The following SAMSN1 variants were observed in gnomAD, a reference collection of about 807,000 sequenced individuals.
The protein encoded by SAMSN1 is SAM domain, SH3 domain and nuclear localization signals 1.
Under a neutral mutation model 42.0 loss-of-function variants are expected in SAMSN1, and 31 were observed. The observed-to-expected ratio is 0.74, with a 90% CI of 0.55 to 1.00. The LOEUF (loss-of-function observed/expected upper bound fraction) is 1.00. SAMSN1 is among the 50% of genes least tolerant of loss of function. The pLI is 0.00. For synonymous variants in SAMSN1, 178 were observed against 151.9 expected (o/e 1.17, Z -1.26); for missense variants, 464 against 439.4 (o/e 1.06, Z -0.50).
At chr21:14,543,077 G>T (rs558597961) in intron 1 of SAMSN1, among the ~76,000 whole-genome samples, 3 of 152,196 alleles carry the variant, frequency 2.0e-5, no homozygotes, top group African/African-American at 7.2e-5. Flanking sequence ...TTCTAATTTG[G>T]AATTTATCTG....
Position 14,516,908 on chromosome 21 carries a change from G to C in SAMSN1, c.263C>G (p.Ala88Gly), listed in dbSNP as rs200178567. Reference sequence around the variant, plus strand: ...AATATTTACCTTTTCCTCAGAAAGGGCTTTGATGTACTTTTTACCCACTTT... The same window carrying C: ...AATATTTACCTTTTCCTCAGAAAGGCCTTTGATGTACTTTTTACCCACTTT... ...KKKVGKKYIKALSEEKDEEDG... is the reference protein window; with the variant it reads ...KKKVGKKYIKGLSEEKDEEDG... The change falls in exon 3 of 8, where the codon GCC becomes GGC. Residue 88 changes from alanine (A) to glycine (G), a missense_variant. Ala to Gly is a moderately conservative substitution (Grantham distance 60). Transcript: ENST00000400566. The C allele has an allele frequency of 1.2e-6, 2 of 1,608,406 alleles. No individual in the cohort carries two copies. Among genetic ancestry groups the C allele is most frequent in the Non-Finnish European group, 1.7e-6 (2 of 1,178,088 alleles).
At chr21:14,505,067 C>T (rs115732375) in intron 5 of SAMSN1, among the ~76,000 whole-genome samples, 5,754 of 152,172 alleles carry the variant, frequency 0.038, 327 homozygotes, top group African/African-American at 0.12. Context: ...TTTGTCACTA[C>T]CAAGCCACTA....
At chr21:14,568,020 T>A (rs555511042) in intron 2 of SAMSN1, among the ~76,000 whole-genome samples, 118 of 152,312 alleles carry the variant, frequency 7.7e-4, no homozygotes, top group African/African-American at 2.8e-3. Context: ...TTGGTGAGCA[T>A]AAAATATCAC....
intron 6 of SAMSN1, among the ~76,000 whole-genome samples, chr21:14,600,704 G>C (rs1982405954): frequency 6.6e-6 from 1 of 152,160 alleles, no homozygotes; most frequent in Admixed American, 6.6e-5. Context: ...GGCATGTCTA[G>C]TGAGCTATTC....
intron 2 of SAMSN1, among the ~76,000 whole-genome samples, chr21:14,553,726 A>G (rs1980671426): frequency 6.6e-6 from 1 of 152,150 alleles, no homozygotes. Context: ...AGGCTTCTCC[A>G]ATTGTCTTCT....
chr21:14,501,650 T>C (rs975735164), intron 5 of SAMSN1, among the ~76,000 whole-genome samples: 1 of 152,110 alleles, frequency 6.6e-6, no homozygotes, highest in African/African-American at 2.4e-5. Context: ...AATAAACCCA[T>C]TTCAAGTATT....
intron 2 of SAMSN1, among the ~76,000 whole-genome samples, chr21:14,555,274 T>C (rs1230791630): frequency 6.6e-6 from 1 of 152,180 alleles, no homozygotes; most frequent in Non-Finnish European, 1.5e-5. Flanking sequence ...GTTGACATCC[T>C]TTCTATCCTT....
At chr21:14,603,794 A>G (rs1389557598) in intron 5 of SAMSN1, among the ~76,000 whole-genome samples, 1 of 152,232 alleles carries the variant, frequency 6.6e-6, no homozygotes, top group African/African-American at 2.4e-5. Context: ...CAAGAAGGCA[A>G]TGGGAATTCT....
At chr21:14,587,470 C>T (rs1397491671), upstream of SAMSN1, among the ~76,000 whole-genome samples, 2 of 152,012 alleles carry the variant, frequency 1.3e-5, no homozygotes, top group Admixed American at 1.3e-4. Flanking sequence ...TTCCTTTTGC[C>T]TTTTTTGGCC....
chr21:14,580,860 G>A (rs2822780), intron 2 of SAMSN1, among the ~76,000 whole-genome samples: 127,135 of 152,120 alleles, frequency 0.84, 53,657 homozygotes, highest in African/African-American at 0.92. Context: ...TGGATACACA[G>A]AATTGTCCCA....
At chr21:14,627,325 C>G (rs983592509) in intron 2 of SAMSN1, among the ~76,000 whole-genome samples, 6 of 151,814 alleles carry the variant, frequency 4.0e-5, no homozygotes, top group Admixed American at 2.0e-4. Flanking sequence ...AGACTTGGAG[C>G]TAATGTTAGG....
chr21:14,657,289 C>T (rs1983931703), intron 1 of SAMSN1, among the ~76,000 whole-genome samples: 1 of 151,706 alleles, frequency 6.6e-6, no homozygotes, highest in Non-Finnish European at 1.5e-5. Context: ...TTGATGGTTC[C>T]GTCTAATGAA....
At chr21:14,648,613 A>G (rs1470850402) in intron 1 of SAMSN1, among the ~76,000 whole-genome samples, 1 of 152,138 alleles carries the variant, frequency 6.6e-6, no homozygotes, top group Non-Finnish European at 1.5e-5. Flanking sequence ...GGCAAAGGAT[A>G]TGAACAGACA....
At position 14,570,124 on chromosome 21, in the gene SAMSN1, G is replaced by A. The variant is rs200592786; in HGVS notation, c.261+12012C>T. ...CTAAGTGCCCTTTGCGGGTGACTGC[G>A]CAGGTACCTCTGATTTCTTGCCAAA... On this transcript the variant is annotated intron_variant, in intron 2 of 8. Coordinates refer to the SAMSN1 transcript ENST00000285670. 4.7e-4 allele frequency among the ~76,000 whole-genome samples: 72 copies of A among 152,170 alleles called. No individual in the cohort carries two copies. The East Asian group carries it at 0.011, about 24-fold the overall frequency.
At chr21:14,656,403 A>C (rs1288171576) in intron 1 of SAMSN1, among the ~76,000 whole-genome samples, 1 of 151,848 alleles carries the variant, frequency 6.6e-6, no homozygotes, top group Non-Finnish European at 1.5e-5. Flanking sequence ...ATAAAGACAG[A>C]GGCAGCATTT....
chr21:14,578,539 C>T (rs369485114), intron 2 of SAMSN1, among the ~76,000 whole-genome samples: 74 of 151,762 alleles, frequency 4.9e-4, no homozygotes, highest in African/African-American at 1.7e-3. Flanking sequence ...AAAAATAAGC[C>T]GGGCATGGTG....
intron 2 of SAMSN1, among the ~76,000 whole-genome samples, chr21:14,568,161 G>A (rs1301762711): frequency 1.3e-5 from 2 of 152,270 alleles, no homozygotes; most frequent in Middle Eastern, 3.4e-3. Context: ...TATCAAAATT[G>A]TAAAACAAAT....
Position 14,490,952 on chromosome 21 carries a change from T to C in SAMSN1, c.920-4838A>G, listed in dbSNP as rs953593398. Among the ~76,000 whole-genome samples the C allele has an allele frequency of 1.8e-4, 28 of 152,272 alleles. 4 individuals carry two copies. Among genetic ancestry groups the C allele is most frequent in the Admixed American group, 1.4e-3 (22 of 15,278 alleles). ...CTCAGCACCTACCTGGGCAATCTCATTAGACTGCTACTCTCCCCAACCATA... is the reference window on the plus strand; with the variant it reads ...CTCAGCACCTACCTGGGCAATCTCACTAGACTGCTACTCTCCCCAACCATA... On this transcript the variant is annotated intron_variant, in intron 7 of 7. Coordinates refer to ENST00000400566, the MANE Select transcript of SAMSN1 (RefSeq NM_022136.5).
intron 7 of SAMSN1, 115 bp from the exon 8 acceptor site, chr21:14,486,229 C>T: frequency 5.8e-6 from 4 of 692,362 alleles, no homozygotes; most frequent in Non-Finnish European, 9.8e-6. Flanking sequence ...GACTTCATTA[C>T]AATGGAAAGT....
Sources: allele counts gnomAD v4.1 joint callset (sites outside exome capture counted in the v4.1 genomes callset), GRCh38; gene constraint gnomAD v4.1.1; transcripts MANE v1.5; gene names NCBI Gene and HGNC (gene_info 2026-07-23, HGNC 2026-07-21).